Variants in SMIM10L2A observed in about 807,000 individuals in gnomAD.
The protein encoded by SMIM10L2A is small integral membrane protein 10 like 2A, also known as small integral membrane protein 10-like protein 2A.
A neutral mutation model predicts 3.0 loss-of-function variants in SMIM10L2A; 2 were observed. The observed-to-expected ratio is 0.66, with a 90% CI of 0.27 to 2.08. The LOEUF is 2.08. Ranked by LOEUF, SMIM10L2A falls within the 30% of genes most tolerant of loss-of-function variation. SMIM10L2A has a pLI of 0.14. For missense variants in SMIM10L2A, 59 were observed against 66.5 expected (o/e 0.89, Z 0.39); for synonymous variants, 29 against 34.8 (o/e 0.83, Z 0.58).
rs1211705658 is a variant in SMIM10L2A at position 135,424,484 on chromosome X, G to C, written c.*1214G>C. 9.0e-6 allele frequency: 1 copy of C among 111,053 alleles called. No homozygotes were observed. The highest frequency in any genetic ancestry group is 1.9e-5 in the Non-Finnish European group (1 of 52,920). The allele number at this position is 111,053 out of a possible 1,213,427, so 9.2% of individuals were successfully genotyped here. A position where few individuals can be genotyped will look rare whatever the true frequency, so the allele number is the denominator to read the frequency against. The stretch of plus-strand genomic sequence containing the variant: ...CCTCAAGCTCGACCCCCCATCCCCA[G>C]GATCACACAGGAGAATCTCATCCTC... On this transcript the variant is annotated 3_prime_UTR_variant, in exon 2 of 2. Transcript: ENST00000417443.
rs1216814112 is a variant in SMIM10L2A at position 135,422,015 on chromosome X, G to A, written c.-117G>A. ...CGCTCGGCCTTGGGAACACGGGGGC[G>A]GGGCGGCCGCGGCTCTGGGCGACCC... On this transcript the variant is annotated 5_prime_UTR_variant, in exon 1 of 2. Transcript: ENST00000417443. 4 of 255,276 alleles carry A rather than the reference G, an allele frequency of 1.6e-5. No individual in the cohort carries two copies. 21.0% of individuals were successfully genotyped at this position (255,276 alleles called of 1,213,427 possible).
rs1338585409 is a variant in SMIM10L2A, at chrX:135,427,956, T to C, written c.*4686T>C. ...CAAAGGGTATGCATGGCTTAGGGCT[T>C]TTGATACTCTCCAGAGTTGGGATAC... On this transcript the variant is annotated 3_prime_UTR_variant, in exon 2 of 2. Transcript: ENST00000417443. 4 of 111,906 alleles carry C rather than the reference T, an allele frequency of 3.6e-5. No individual in the cohort carries two copies. The highest frequency in any genetic ancestry group is 9.8e-5 in the African/African-American group (3 of 30,708). 9.2% of individuals were successfully genotyped at this position (111,906 alleles called of 1,213,427 possible).
Position 135,425,274 on chromosome X carries a change from C to T in SMIM10L2A, c.*2004C>T, listed in dbSNP as rs1437030113. On this transcript the variant is annotated 3_prime_UTR_variant, in exon 2 of 2. Coordinates refer to ENST00000417443, the MANE Select transcript of SMIM10L2A (RefSeq NM_203306.3). ...CCTACTGGGATAAAGTTGCGTCAGC[C>T]GCAGGGGTCTCTGCCCTCAAAGACC... The T allele has an allele frequency of 1.8e-5, 2 of 112,014 alleles. No individual in the cohort carries two copies. Among genetic ancestry groups the T allele is most frequent in the African/African-American group, 6.5e-5 (2 of 30,746 alleles). The allele number at this position is 112,014 out of a possible 1,213,427, so 9.2% of individuals were successfully genotyped here.
rs1266053110 is a variant in SMIM10L2A, at chrX:135,425,625, T to G, written c.*2355T>G. 1 of 112,798 alleles carries G rather than the reference T, an allele frequency of 8.9e-6. No homozygotes were observed. Among genetic ancestry groups the G allele is most frequent in the Non-Finnish European group, 1.9e-5 (1 of 53,342 alleles). The allele number at this position is 112,798 out of a possible 1,213,427, so 9.3% of individuals were successfully genotyped here. A position where few individuals can be genotyped will look rare whatever the true frequency, so the allele number is the denominator to read the frequency against. On this transcript the variant is annotated 3_prime_UTR_variant, in exon 2 of 2. Transcript: ENST00000417443. ...GACACTGACCGGAATGACATACTTT[T>G]CTGTGTGTGATTCACTGTGTACTGG...
In SMIM10L2A at chrX:135,422,044, G is replaced by A; in HGVS notation, c.-88G>A. 3.8e-6 allele frequency: 1 copy of A among 265,898 alleles called. No homozygotes were observed. The highest frequency in any genetic ancestry group is 2.0e-4 in the South Asian group (1 of 4,995). The allele number at this position is 265,898 out of a possible 1,213,427, so 21.9% of individuals were successfully genotyped here. Reference sequence around the variant, plus strand: ...CGGCCGCGGCTCTGGGCGACCCGCTGGGTGCACTAGTGCTCGGGTCCCACC... The same window carrying A: ...CGGCCGCGGCTCTGGGCGACCCGCTAGGTGCACTAGTGCTCGGGTCCCACC... On this transcript the variant is annotated 5_prime_UTR_variant, in exon 1 of 2. Coordinates refer to ENST00000417443, the MANE Select transcript of SMIM10L2A (RefSeq NM_203306.3).
chrX:135,422,142 C>A lies in SMIM10L2A; in HGVS notation c.11C>A (p.Ser4Ter). MAA[S>*]AALSAAAAAA... ...GCGGGGCCCGGGCCCATGGCGGCGTCGGCGGCTCTGTCTGCAGCGGCGGCT... is the reference window on the plus strand; with the variant it reads ...GCGGGGCCCGGGCCCATGGCGGCGTAGGCGGCTCTGTCTGCAGCGGCGGCT... Residue 4 changes from serine (S) to a stop codon, truncating the protein, a stop_gained, in exon 1 of 2, where the codon TCG (serine) becomes TAG (stop). Transcript: ENST00000417443. LOFTEE classifies it high-confidence loss of function. 1.7e-6 allele frequency: 1 copy of A among 579,491 alleles called. No homozygotes were observed. Among genetic ancestry groups the A allele is most frequent in the Non-Finnish European group, 2.4e-6 (1 of 416,926 alleles). The allele number at this position is 579,491 out of a possible 1,213,427, so 47.8% of individuals were successfully genotyped here. A position where few individuals can be genotyped will look rare whatever the true frequency, so the allele number is the denominator to read the frequency against.
At chrX:135,423,250 C>G (rs1474490998) in intron 1 of SMIM10L2A, among the ~76,000 whole-genome samples, 3 of 112,520 alleles carry the variant, frequency 2.7e-5, no homozygotes, top group Non-Finnish European at 3.8e-5. Flanking sequence ...CCTGCTGTCC[C>G]TTATGTTCCC....
In SMIM10L2A at chrX:135,422,650, C is replaced by G. The variant is rs1375508685; in HGVS notation, c.*282C>G. ...TACCTGGGCTCGGCCGACCTGTTGC[C>G]TCATATTGGCCAAAGAGGGGGAAAC... On this transcript the variant is annotated 3_prime_UTR_variant, in exon 1 of 2. Transcript: ENST00000417443. 1 of 169,611 alleles carries G rather than the reference C, an allele frequency of 5.9e-6. No homozygotes were observed. Among genetic ancestry groups the G allele is most frequent in the African/African-American group, 3.1e-5 (1 of 32,731 alleles). 14.0% of individuals were successfully genotyped at this position (169,611 alleles called of 1,213,427 possible). A position where few individuals can be genotyped will look rare whatever the true frequency, so the allele number is the denominator to read the frequency against.
At position 135,428,060 on chromosome X, in the gene SMIM10L2A, A is replaced by G. The variant is rs1386301992; in HGVS notation, c.*4790A>G. On this transcript the variant is annotated 3_prime_UTR_variant, in exon 2 of 2. Coordinates refer to ENST00000417443, the MANE Select transcript of SMIM10L2A (RefSeq NM_203306.3). ...CAATTCTGATTCAATAGATTAAAAAATTTATTACTACCTTTCATTGCCTCA... is the reference window on the plus strand; with the variant it reads ...CAATTCTGATTCAATAGATTAAAAAGTTTATTACTACCTTTCATTGCCTCA... 2 of 111,357 alleles carry G rather than the reference A, an allele frequency of 1.8e-5. No individual in the cohort carries two copies. The allele number at this position is 111,357 out of a possible 1,213,427, so 9.2% of individuals were successfully genotyped here. A position where few individuals can be genotyped will look rare whatever the true frequency, so the allele number is the denominator to read the frequency against.
Position 135,421,972 on chromosome X carries a change from C to A in SMIM10L2A, c.-160C>A. 1 of 243,962 alleles carries A rather than the reference C, an allele frequency of 4.1e-6. No homozygotes were observed. The highest frequency in any genetic ancestry group is 7.3e-6 in the Non-Finnish European group (1 of 136,452). 20.1% of individuals were successfully genotyped at this position (243,962 alleles called of 1,213,427 possible). On this transcript the variant is annotated 5_prime_UTR_variant, in exon 1 of 2. Coordinates refer to ENST00000417443, the MANE Select transcript of SMIM10L2A (RefSeq NM_203306.3). ...CGGGATCGTGGAGGTGGGGCCGAGGCAGCGGCCGCCTGAGCCCCGCTCGGC... is the reference window on the plus strand; with the variant it reads ...CGGGATCGTGGAGGTGGGGCCGAGGAAGCGGCCGCCTGAGCCCCGCTCGGC...
At position 135,426,002 on chromosome X, in the gene SMIM10L2A, T is replaced by C. The variant is rs1425805221; in HGVS notation, c.*2732T>C. The C allele has an allele frequency of 2.7e-5, 3 of 112,144 alleles. No individual in the cohort carries two copies. Among genetic ancestry groups the C allele is most frequent in the Admixed American group, 9.4e-5 (1 of 10,659 alleles). The allele number at this position is 112,144 out of a possible 1,213,427, so 9.2% of individuals were successfully genotyped here. ...AGCCTGGCCCCGAGAGGTAGCTGCT[T>C]GTTCTGTTGACAACCTTTGTTCAAC... On this transcript the variant is annotated 3_prime_UTR_variant, in exon 2 of 2. Transcript: ENST00000417443.
rs2148517850 is a variant in SMIM10L2A, at chrX:135,422,402, A to G, written c.*34A>G. ...GGCGGCGGCGGCGAAGGCCCGGCTG[A>G]AGGGGCGCCCGTGTCCCCGCCCGCC... On this transcript the variant is annotated 3_prime_UTR_variant, in exon 1 of 2. Coordinates refer to ENST00000417443, the MANE Select transcript of SMIM10L2A (RefSeq NM_203306.3). 2.3e-6 allele frequency: 1 copy of G among 434,135 alleles called. No homozygotes were observed. The highest frequency in any genetic ancestry group is 9.0e-5 in the South Asian group (1 of 11,094). The allele number at this position is 434,135 out of a possible 1,213,427, so 35.8% of individuals were successfully genotyped here.
chrX:135,422,266 C>T lies in SMIM10L2A; in HGVS notation c.135C>T (p.Leu45=). The T allele has an allele frequency of 9.2e-7, 1 of 1,088,094 alleles. No individual in the cohort carries two copies. Among genetic ancestry groups the T allele is most frequent in the African/African-American group, 1.9e-5 (1 of 52,577 alleles). 89.7% of individuals were successfully genotyped at this position (1,088,094 alleles called of 1,213,427 possible). A position where few individuals can be genotyped will look rare whatever the true frequency, so the allele number is the denominator to read the frequency against. The part of the protein sequence containing the change: ...AFCKGLTRTL[L]TFFDLAWRLR... The stretch of plus-strand genomic sequence containing the variant: ...GCAAGGGGCTCACGCGCACGCTGCT[C>T]ACCTTCTTCGACCTGGCCTGGCGGC... Residue 45 remains leucine, a synonymous_variant, in exon 1 of 2, where the codon CTC becomes CTT. Transcript: ENST00000417443.
Position 135,422,569 on chromosome X carries a change from G to A in SMIM10L2A, c.*201G>A, listed in dbSNP as rs1769875633. ...CCCCGGCTGCGGTCTCAGCCCGGGG[G>A]CCCTGGATCGCGCAGAAACGCACTG... On this transcript the variant is annotated 3_prime_UTR_variant, in exon 1 of 2. Transcript: ENST00000417443. 8.7e-6 allele frequency: 2 copies of A among 229,462 alleles called. No individual in the cohort carries two copies. The highest frequency in any genetic ancestry group is 7.0e-5 in the East Asian group (1 of 14,255). The allele number at this position is 229,462 out of a possible 1,213,427, so 18.9% of individuals were successfully genotyped here.
rs782238845 is a variant in SMIM10L2A, at chrX:135,427,665, G to A, written c.*4395G>A. ...ACATACTACTTTGAAATCTGATTCC[G>A]CTATTTCATGTTTGTCTTACCATGT... is the stretch of plus-strand genomic sequence containing the variant. On this transcript the variant is annotated 3_prime_UTR_variant, in exon 2 of 2. Transcript: ENST00000417443. 6.2e-5 allele frequency: 7 copies of A among 112,081 alleles called. No homozygotes were observed. Among genetic ancestry groups the A allele is most frequent in the African/African-American group, 9.7e-5 (3 of 30,840 alleles). The allele number at this position is 112,081 out of a possible 1,213,427, so 9.2% of individuals were successfully genotyped here. A position where few individuals can be genotyped will look rare whatever the true frequency, so the allele number is the denominator to read the frequency against.
Position 135,427,585 on chromosome X carries a change from G to A in SMIM10L2A, c.*4315G>A, listed in dbSNP as rs1222261567. 8.9e-6 allele frequency: 1 copy of A among 112,411 alleles called. No homozygotes were observed. Among genetic ancestry groups the A allele is most frequent in the African/African-American group, 3.2e-5 (1 of 30,910 alleles). 9.3% of individuals were successfully genotyped at this position (112,411 alleles called of 1,213,427 possible). On this transcript the variant is annotated 3_prime_UTR_variant, in exon 2 of 2. Coordinates refer to ENST00000417443, the MANE Select transcript of SMIM10L2A (RefSeq NM_203306.3). ...CACCCCACTCCCAAGGGAAATTGCT[G>A]GGTTTTGGACGAATTTTCACTTTGT... is the stretch of plus-strand genomic sequence containing the variant.
Position 135,427,664 on chromosome X carries a change from C to T in SMIM10L2A, c.*4394C>T, listed in dbSNP as rs910135932. 1.8e-5 allele frequency: 2 copies of T among 112,203 alleles called. No homozygotes were observed. The highest frequency in any genetic ancestry group is 6.5e-5 in the African/African-American group (2 of 30,773). The allele number at this position is 112,203 out of a possible 1,213,427, so 9.2% of individuals were successfully genotyped here. A position where few individuals can be genotyped will look rare whatever the true frequency, so the allele number is the denominator to read the frequency against. ...AACATACTACTTTGAAATCTGATTC[C>T]GCTATTTCATGTTTGTCTTACCATG... On this transcript the variant is annotated 3_prime_UTR_variant, in exon 2 of 2. Transcript: ENST00000417443.
Position 135,424,532 on chromosome X carries a change from GC to G in SMIM10L2A, c.*1267del. The G allele has an allele frequency of 8.8e-6, 1 of 113,416 alleles. No individual in the cohort carries two copies. 9.3% of individuals were successfully genotyped at this position (113,416 alleles called of 1,213,427 possible). On this transcript the variant is annotated 3_prime_UTR_variant, in exon 2 of 2. Transcript: ENST00000417443. The stretch of plus-strand genomic sequence containing the variant: ...CTCACGGCTTGGATTGCTCCTGGGG[GC>G]CCCCTGGTGTGCTGCTAACTGGTGT...
Position 135,427,313 on chromosome X carries a change from C to T in SMIM10L2A, c.*4043C>T, listed in dbSNP as rs782546096. 28 of 111,887 alleles carry T rather than the reference C, an allele frequency of 2.5e-4. No individual in the cohort carries two copies. Among genetic ancestry groups the T allele is most frequent in the African/African-American group, 9.1e-4 (28 of 30,747 alleles). 9.2% of individuals were successfully genotyped at this position (111,887 alleles called of 1,213,427 possible). A position where few individuals can be genotyped will look rare whatever the true frequency, so the allele number is the denominator to read the frequency against. On this transcript the variant is annotated 3_prime_UTR_variant, in exon 2 of 2. Transcript: ENST00000417443. ...GGTGAGGTCCAGAAGAAATCCAGGG[C>T]TTGGATGAGGGGTAGACCTGAGAGC... is the stretch of plus-strand genomic sequence containing the variant.
Sources: allele counts gnomAD v4.1 joint callset (sites outside exome capture counted in the v4.1 genomes callset), GRCh38; gene constraint gnomAD v4.1.1; transcripts MANE v1.5; gene names NCBI Gene and HGNC (gene_info 2026-07-23, HGNC 2026-07-21).